RANBP17: variants seen among roughly 807,000 people sequenced by gnomAD.
The protein encoded by RANBP17 is ran-binding protein 17.
In RANBP17, 158 loss-of-function variants were observed where a neutral mutation model predicts 141.2. The ratio of observed to expected loss-of-function variants is 1.12; its 90% CI spans 0.98 to 1.28. RANBP17 has a LOEUF of 1.28. Ranked by LOEUF, RANBP17 falls within the 50% of genes most tolerant of loss-of-function variation. RANBP17 has a pLI of 0.00. For synonymous variants in RANBP17, 430 were observed against 450.0 expected, an observed-to-expected ratio of 0.96 and a Z score of 0.56; for missense variants, 1,438 against 1,290.7, an observed-to-expected ratio of 1.11 and a Z score of -1.75.
intron 9 of RANBP17, among the ~76,000 whole-genome samples, chr5:170,917,612 GT>G (rs796777727): frequency 4.6e-5 from 7 of 152,244 alleles, no homozygotes; most frequent in African/African-American, 1.7e-4. Context: ...ATTCTCAGAA[GT>G]GTTTTATGGG....
rs551828324 is a variant in RANBP17, at chr5:170,966,776, A to G, written c.1575-1466A>G. ...ATTGTCCCTGTTTGCAGATGACATG[A>G]TTGTATATCTAGAAAACCCCATTGT... On this transcript the variant is annotated intron_variant, in intron 13 of 27. Coordinates refer to ENST00000523189, the MANE Select transcript of RANBP17 (RefSeq NM_022897.5). Among the ~76,000 whole-genome samples the G allele has an allele frequency of 4.6e-5, 7 of 152,184 alleles. No individual in the cohort carries two copies. In the East Asian group the frequency reaches 1.4e-3, roughly 29 times the overall value.
intron 4 of RANBP17, among the ~76,000 whole-genome samples, chr5:170,893,698 C>A (rs750437681): frequency 1.3e-5 from 2 of 151,508 alleles, no homozygotes; most frequent in Non-Finnish European, 2.9e-5. Flanking sequence ...GAGGCTGAGG[C>A]AGGAGAATGG....
chr5:171,147,401 G>GTTTT (rs33983934), intron 14 of RANBP17, among the ~76,000 whole-genome samples: 1 of 103,952 alleles, frequency 9.6e-6, no homozygotes, highest in African/African-American at 3.6e-5. Flanking sequence ...TTTTTTGTGT[G>GTTTT]TTTTTTTTTT....
chr5:171,286,416 C>CT (rs552805447), intron 25 of RANBP17, among the ~76,000 whole-genome samples: 1 of 151,764 alleles, frequency 6.6e-6, no homozygotes, highest in African/African-American at 2.4e-5. Flanking sequence ...TTTCATTTGA[C>CT]TTTTTTTTAA....
chr5:171,026,819 G>A (rs374176974), intron 14 of RANBP17, among the ~76,000 whole-genome samples: 3 of 152,226 alleles, frequency 2.0e-5, no homozygotes, highest in African/African-American at 7.2e-5. Flanking sequence ...CATATTTTCT[G>A]TACTTTAGGA....
intron 3 of RANBP17, among the ~76,000 whole-genome samples, chr5:170,882,316 G>A (rs1397931822): frequency 6.6e-6 from 1 of 152,058 alleles, no homozygotes; most frequent in Non-Finnish European, 1.5e-5. Context: ...TCTTGACCTC[G>A]TGATCCGCCC....
chr5:170,878,079 A>ATT lies in RANBP17; in HGVS notation c.19-10_19-9dup. On this transcript the variant is annotated splice_polypyrimidine_tract_variant and intron_variant, in intron 1 of 27. Transcript: ENST00000523189. ...TTTTTTTCATTGAAGTAAAATGTTAATTTTTTTTTCTTTGAAGAGTTTGGC... is the reference window on the plus strand; with the variant it reads ...TTTTTTTCATTGAAGTAAAATGTTAATTTTTTTTTTTCTTTGAAGAGTTTGGC... 4 of 1,515,824 alleles carry ATT rather than the reference A, an allele frequency of 2.6e-6. No individual in the cohort carries two copies. The highest frequency in any genetic ancestry group is 2.3e-5 in the East Asian group (1 of 43,220). 93.9% of individuals were successfully genotyped at this position (1,515,824 alleles called of 1,614,324 possible).
intron 22 of RANBP17, 139 bp from the exon 23 acceptor site, chr5:171,240,789 A>C (rs923873960): frequency 3.5e-6 from 2 of 574,654 alleles, no homozygotes; most frequent in East Asian, 2.9e-5. Context: ...TTTTTATTAC[A>C]ATGAATAAAA....
chr5:170,863,408 G>A (rs368193335), intron 1 of RANBP17: 12 of 148,132 alleles, frequency 8.1e-5, no homozygotes, highest in East Asian at 4.1e-4. Flanking sequence ...TTTATAACTT[G>A]GCTGATTTAT....
At chr5:171,117,296 A>G (rs1449259008) in intron 14 of RANBP17, among the ~76,000 whole-genome samples, 3 of 152,160 alleles carry the variant, frequency 2.0e-5, no homozygotes, top group Non-Finnish European at 2.9e-5. Flanking sequence ...CCAACAGTAT[A>G]TAAACAGTAT....
chr5:171,207,455 T>C (rs938521510), intron 20 of RANBP17: 3 of 152,200 alleles, frequency 2.0e-5, no homozygotes, highest in African/African-American at 4.8e-5. Context: ...GGGGAACCTT[T>C]CTGAAATGAA....
In RANBP17 at chr5:170,914,353, T is replaced by C. The variant is rs1771775435; in HGVS notation, c.834+113T>C. On this transcript the variant is annotated intron_variant, in intron 8 of 27. Transcript: ENST00000523189. ...ATTCAATTGAGTTTACTTTTCACAG[T>C]AAGTTCTTATATTTTCTGGGATGTA... 7.2e-6 allele frequency: 5 copies of C among 689,942 alleles called. No homozygotes were observed. The South Asian group carries it at 7.3e-5, about 10-fold the overall frequency. The allele number at this position is 689,942 out of a possible 1,614,324, so 42.7% of individuals were successfully genotyped here.
At chr5:171,242,653 T>A in intron 23 of RANBP17, 29 bp from the exon 24 acceptor site, 1 of 1,604,006 alleles carries the variant, frequency 6.2e-7, no homozygotes, top group East Asian at 2.2e-5. Flanking sequence ...TCTCTGTGGC[T>A]TGACATTTAG....
intron 14 of RANBP17, among the ~76,000 whole-genome samples, chr5:171,082,346 A>G (rs1355193769): frequency 1.3e-5 from 2 of 152,142 alleles, no homozygotes; most frequent in Non-Finnish European, 2.9e-5. Context: ...GTACATGAGG[A>G]TTAATTCTAT....
chr5:170,986,260 A>C (rs564408686), intron 14 of RANBP17, among the ~76,000 whole-genome samples: 2 of 152,030 alleles, frequency 1.3e-5, no homozygotes, highest in Admixed American at 6.6e-5. Context: ...TTTCCTTTTG[A>C]CTCTGTGGCT....
At chr5:171,113,295 A>G (rs1393335717) in intron 14 of RANBP17, among the ~76,000 whole-genome samples, 1 of 152,172 alleles carries the variant, frequency 6.6e-6, no homozygotes, top group Non-Finnish European at 1.5e-5. Context: ...CCGTGCTACT[A>G]CAACTTACAA....
At chr5:170,862,130 A>G in intron 1 of RANBP17, 79 bp downstream of exon 1, 1 of 1,353,270 alleles carries the variant, frequency 7.4e-7, no homozygotes, top group Non-Finnish European at 9.5e-7. Flanking sequence ...CCGAGGGCCG[A>G]GGACAGCGGC....
chr5:171,253,034 G>A (rs1031719475), intron 24 of RANBP17: 3 of 1,062,588 alleles, frequency 2.8e-6, no homozygotes, highest in African/African-American at 1.6e-5. Flanking sequence ...TTCTTCTCTG[G>A]TTATTTTGGA....
chr5:171,070,616 G>A (rs921213114), intron 14 of RANBP17, among the ~76,000 whole-genome samples: 24 of 152,090 alleles, frequency 1.6e-4, no homozygotes, highest in African/African-American at 5.8e-4. Context: ...AGATTCAAAA[G>A]CAGGTCAATG....
Sources: gnomAD v4.1 joint callset for allele counts (sites outside exome capture counted in the v4.1 genomes callset) on GRCh38, gnomAD v4.1.1 for gene constraint, MANE v1.5 for transcripts, NCBI Gene and HGNC (gene_info 2026-07-23, HGNC 2026-07-21) for gene names.